IPO11: variants seen among roughly 807,000 people sequenced by gnomAD.
IPO11 encodes the protein importin-11.
A neutral mutation model predicts 143.2 loss-of-function variants in IPO11; 66 were observed. The observed-to-expected ratio is 0.46, with a 90% CI of 0.38 to 0.57. The LOEUF is 0.57. IPO11 is among the 20% of genes least tolerant of loss of function. The pLI, the probability that IPO11 is intolerant of heterozygous loss-of-function variation, is 0.00. For missense variants in IPO11, 1,026 were observed against 1,141.0 expected (o/e 0.90, Z 1.45); for synonymous variants, 385 against 377.8 (o/e 1.02, Z -0.22).
intron 9 of IPO11, among the ~76,000 whole-genome samples, chr5:62,479,548 C>A (rs1746105902): frequency 6.6e-6 from 1 of 152,144 alleles, no homozygotes; most frequent in South Asian, 2.1e-4. Context: ...GTTTACAGTC[C>A]CACCAACAGT....
intron 5 of IPO11, among the ~76,000 whole-genome samples, chr5:62,454,415 G>A (rs1320869872): frequency 6.6e-6 from 1 of 152,012 alleles, no homozygotes; most frequent in African/African-American, 2.4e-5. Context: ...AAGATTCTTG[G>A]TTACAGTTAA....
chr5:62,510,868 G>A (rs1474008230), intron 19 of IPO11, among the ~76,000 whole-genome samples: 4 of 152,020 alleles, frequency 2.6e-5, no homozygotes, highest in African/African-American at 9.7e-5. Context: ...GAGTAGCTGG[G>A]ATTACGGGTG....
chr5:62,609,810 G>T (rs1309337493), intron 29 of IPO11, among the ~76,000 whole-genome samples: 1 of 152,240 alleles, frequency 6.6e-6, no homozygotes, highest in Non-Finnish European at 1.5e-5. Flanking sequence ...ATAATTCAGT[G>T]TCCTAATGTC....
At chr5:62,430,365 G>A (rs954158038) in intron 1 of IPO11, among the ~76,000 whole-genome samples, 8 of 152,056 alleles carry the variant, frequency 5.3e-5, no homozygotes, top group African/African-American at 1.9e-4. Flanking sequence ...ACCATTGATC[G>A]GATCATTATC....
chr5:62,459,392 A>G (rs1030403374), intron 5 of IPO11, among the ~76,000 whole-genome samples: 6 of 151,950 alleles, frequency 3.9e-5, no homozygotes, highest in Non-Finnish European at 7.4e-5. Context: ...TGTCTCAAAA[A>G]TAAATAAATA....
At chr5:62,496,538 C>T (rs1030699744) in intron 16 of IPO11, among the ~76,000 whole-genome samples, 6 of 151,994 alleles carry the variant, frequency 3.9e-5, no homozygotes, top group African/African-American at 1.4e-4. Context: ...TGTTGTAAAC[C>T]TTGGCCTTTT....
At chr5:62,542,699 GCTTTA>G (rs1312305254) in intron 24 of IPO11, among the ~76,000 whole-genome samples, 1 of 152,072 alleles carries the variant, frequency 6.6e-6, no homozygotes, top group Non-Finnish European at 1.5e-5. Context: ...CAAAGGATAC[GCTTTA>G]CTTTATTTTG....
intron 16 of IPO11, among the ~76,000 whole-genome samples, chr5:62,494,449 G>A (rs186803985): frequency 6.7e-4 from 102 of 152,164 alleles, no homozygotes; most frequent in Non-Finnish European, 1.9e-4. Flanking sequence ...CATTGAAATA[G>A]CATCATAATT....
intron 19 of IPO11, among the ~76,000 whole-genome samples, chr5:62,514,085 A>T (rs1342958247): frequency 1.4e-5 from 2 of 141,422 alleles, no homozygotes; most frequent in African/African-American, 5.8e-5. Flanking sequence ...GCGGCCGGGC[A>T]GAGACGCTCC....
chr5:62,568,912 G>A (rs1317179038), intron 27 of IPO11, among the ~76,000 whole-genome samples: 3 of 152,150 alleles, frequency 2.0e-5, no homozygotes, highest in African/African-American at 7.2e-5. Flanking sequence ...GAATTCAAAA[G>A]GGACTGACTG....
intron 29 of IPO11, among the ~76,000 whole-genome samples, chr5:62,626,894 G>A (rs888187944): frequency 3.9e-5 from 6 of 152,160 alleles, no homozygotes; most frequent in Non-Finnish European, 5.9e-5. Flanking sequence ...TGCTTTAAAT[G>A]AATGAGTCCC....
intron 1 of IPO11, among the ~76,000 whole-genome samples, chr5:62,434,489 G>A (rs566736698): frequency 6.1e-4 from 93 of 151,854 alleles, no homozygotes; most frequent in African/African-American, 2.1e-3. Context: ...CTGTAGAGAC[G>A]GGATTTTGCT....
At chr5:62,475,061 A>T (rs1745905943) in intron 8 of IPO11, among the ~76,000 whole-genome samples, 1 of 152,080 alleles carries the variant, frequency 6.6e-6, no homozygotes. Flanking sequence ...GGAAAGCAAA[A>T]CTAAGAGGGG....
intron 24 of IPO11, among the ~76,000 whole-genome samples, chr5:62,542,254 T>A (rs1303408454): frequency 6.6e-6 from 1 of 152,064 alleles, no homozygotes; most frequent in African/African-American, 2.4e-5. Context: ...ATCTGTATGT[T>A]TGGTTTAAAA....
At chr5:62,473,062 T>G (rs1466243063) in intron 7 of IPO11, among the ~76,000 whole-genome samples, 1 of 152,200 alleles carries the variant, frequency 6.6e-6, no homozygotes, top group African/African-American at 2.4e-5. Flanking sequence ...CCTTTTGCTG[T>G]TTCATTGTTC....
chr5:62,541,815 A>G (rs1257836613), intron 24 of IPO11, among the ~76,000 whole-genome samples: 2 of 152,198 alleles, frequency 1.3e-5, no homozygotes, highest in Non-Finnish European at 2.9e-5. Context: ...CTATAGTCAA[A>G]TATGTAGTCA....
At chr5:62,611,377 T>C (rs1205719798) in intron 29 of IPO11, among the ~76,000 whole-genome samples, 1 of 152,186 alleles carries the variant, frequency 6.6e-6, no homozygotes, top group Admixed American at 6.5e-5. Context: ...AGAGCTAAAA[T>C]GTTAATCAAA....
rs35374263 is a variant in IPO11, at chr5:62,496,285, C to CA, written c.1590+2172dup. ...CCTGAGCGACAGAGAGACTGTGTCTCAAAAAAAAAAAGAAAAAAAAAAAGA... is the reference window on the plus strand; with the variant it reads ...CCTGAGCGACAGAGAGACTGTGTCTCAAAAAAAAAAAAGAAAAAAAAAAAGA... On this transcript the variant is annotated intron_variant, in intron 16 of 29. Coordinates refer to ENST00000325324, the MANE Select transcript of IPO11 (RefSeq NM_016338.5). 6.3e-3 allele frequency among the ~76,000 whole-genome samples: 663 copies of CA among 105,156 alleles called. 2 individuals carry two copies. The highest frequency in any genetic ancestry group is 0.015 in the South Asian group (53 of 3,432). The allele number at this position is 105,156 out of a possible 152,430, so 69.0% of individuals were successfully genotyped here. A position where few individuals can be genotyped will look rare whatever the true frequency, so the allele number is the denominator to read the frequency against.
intron 29 of IPO11, among the ~76,000 whole-genome samples, chr5:62,617,363 A>C (rs1015519130): frequency 2.6e-5 from 4 of 152,248 alleles, no homozygotes; most frequent in African/African-American, 9.6e-5. Flanking sequence ...CAATGTATTA[A>C]TTCACATGTT....
Sources: gnomAD v4.1 joint callset for allele counts (sites outside exome capture counted in the v4.1 genomes callset) on GRCh38, gnomAD v4.1.1 for gene constraint, MANE v1.5 for transcripts, NCBI Gene and HGNC (gene_info 2026-07-23, HGNC 2026-07-21) for gene names.